Variants in MTAP observed in about 807,000 individuals in gnomAD.
MTAP encodes the protein methylthioadenosine phosphorylase.
MTAP carries 33 observed loss-of-function variants against 33.6 expected under a neutral mutation model. The ratio of observed to expected loss-of-function variants is 0.98; its 90% confidence interval spans 0.74 to 1.31. The LOEUF is 1.31. Ranked by LOEUF, MTAP falls within the 40% of genes most tolerant of loss-of-function variation. The pLI, the probability that MTAP is intolerant of heterozygous loss-of-function variation, is 0.00. For synonymous variants in MTAP, 148 were observed against 125.7 expected (o/e 1.18, Z -1.19); for missense variants, 367 against 360.0 (o/e 1.02, Z -0.16).
At chr9:21,908,411 TATAA>T (rs980688050) in intron 1 of MTAP, among the ~76,000 whole-genome samples, 4 of 152,158 alleles carry the variant, frequency 2.6e-5, no homozygotes, top group African/African-American at 9.6e-5. Context: ...GTAAAGTTGC[TATAA>T]ATATTCATGT....
At chr9:21,887,737 A>C (rs1255471380) in intron 1 of MTAP, among the ~76,000 whole-genome samples, 1 of 152,132 alleles carries the variant, frequency 6.6e-6, no homozygotes, top group African/African-American at 2.4e-5. Flanking sequence ...AACAGTGTAA[A>C]AGTGTTCCTA....
rs35709813 is a variant in MTAP at position 21,818,317 on chromosome 9, C to CTTTTTTTTTTTTTTTTTT, written c.347+125_347+142dup. 2 of 206,102 alleles carry CTTTTTTTTTTTTTTTTTT rather than the reference C, an allele frequency of 9.7e-6. 1 individual carries two copies. 12.8% of individuals were successfully genotyped at this position (206,102 alleles called of 1,614,324 possible). A position where few individuals can be genotyped will look rare whatever the true frequency, so the allele number is the denominator to read the frequency against. ...GAGGGCAGTGCCACAGACTCGCTTG[C>CTTTTTTTTTTTTTTTTTT]TTTTTTTTTTTTTTTTTTTTTTTTT... On this transcript the variant is annotated intron_variant, in intron 4 of 7. Coordinates refer to ENST00000644715, the MANE Select transcript of MTAP (RefSeq NM_002451.4).
chr9:21,923,326 A>T (rs940612241), intron 1 of MTAP, among the ~76,000 whole-genome samples: 5 of 152,160 alleles, frequency 3.3e-5, no homozygotes, highest in African/African-American at 1.2e-4. Flanking sequence ...ATGGCTGCAT[A>T]GGACATCACT....
intron 1 of MTAP, among the ~76,000 whole-genome samples, chr9:21,914,281 G>T (rs1818637339): frequency 6.6e-6 from 1 of 152,232 alleles, no homozygotes; most frequent in East Asian, 1.9e-4. Context: ...CAATTACTGG[G>T]TATATATCCA....
chr9:21,852,163 A>G (rs1337460972), intron 5 of MTAP, among the ~76,000 whole-genome samples: 1 of 152,168 alleles, frequency 6.6e-6, no homozygotes, highest in African/African-American at 2.4e-5. Context: ...AAATATCGTT[A>G]TGTCCTCATT....
intron 4 of MTAP, among the ~76,000 whole-genome samples, chr9:21,823,439 C>A (rs1052672575): frequency 6.6e-6 from 1 of 152,168 alleles, no homozygotes; most frequent in South Asian, 2.1e-4. Context: ...TGAATATTGG[C>A]CCCCACTCTC....
At chr9:21,918,579 T>C (rs1818733598) in intron 1 of MTAP, among the ~76,000 whole-genome samples, 2 of 152,134 alleles carry the variant, frequency 1.3e-5, no homozygotes, top group Middle Eastern at 3.2e-3. Context: ...ATTGATGTGG[T>C]TTCGCTGCAT....
At chr9:21,891,194 G>A (rs113660315) in intron 1 of MTAP, among the ~76,000 whole-genome samples, 2,499 of 152,106 alleles carry the variant, frequency 0.016, 66 homozygotes, top group African/African-American at 0.056. Flanking sequence ...AGATGAAAAA[G>A]AACCAGAAGA....
chr9:21,865,199 G>A lies in MTAP; in HGVS notation c.*3185G>A. On this transcript the variant is annotated 3_prime_UTR_variant, in exon 8 of 8. Coordinates refer to ENST00000644715, the MANE Select transcript of MTAP (RefSeq NM_002451.4). ...TGGGGGTGGTTACCCCCACACTGCT[G>A]TTCTCATGATACTGAGTTCTCACAA... The A allele has an allele frequency of 3.2e-6, 2 of 631,818 alleles. No individual in the cohort carries two copies. Among genetic ancestry groups the A allele is most frequent in the Non-Finnish European group, 3.9e-6 (2 of 507,162 alleles). The allele number at this position is 631,818 out of a possible 1,614,324, so 39.1% of individuals were successfully genotyped here. A position where few individuals can be genotyped will look rare whatever the true frequency, so the allele number is the denominator to read the frequency against.
intron 1 of MTAP, among the ~76,000 whole-genome samples, chr9:21,804,861 C>G (rs1311511963): frequency 2.0e-5 from 3 of 152,218 alleles, no homozygotes; most frequent in Admixed American, 2.0e-4. Context: ...GGCCTAGAGC[C>G]TGGCATTCCA....
At chr9:21,927,348 C>G (rs1448816026) in intron 1 of MTAP, among the ~76,000 whole-genome samples, 1 of 152,166 alleles carries the variant, frequency 6.6e-6, no homozygotes, top group Non-Finnish European at 1.5e-5. Flanking sequence ...CGGTCAGGCT[C>G]CTGACATTCC....
Position 21,864,121 on chromosome 9 carries a change from G to A in MTAP, c.*2107G>A. The A allele has an allele frequency of 1.0e-6, 1 of 985,364 alleles. No homozygotes were observed. 61.0% of individuals were successfully genotyped at this position (985,364 alleles called of 1,614,324 possible). A position where few individuals can be genotyped will look rare whatever the true frequency, so the allele number is the denominator to read the frequency against. On this transcript the variant is annotated 3_prime_UTR_variant, in exon 8 of 8. Coordinates refer to ENST00000644715, the MANE Select transcript of MTAP (RefSeq NM_002451.4). ...AAAGTATGGGCATTTTTCTTGCTAT[G>A]TTCAGAAAGTACAGTTCTCTCCAAC... is the stretch of plus-strand genomic sequence containing the variant.
chr9:21,890,453 T>G (rs1818182479), intron 1 of MTAP, among the ~76,000 whole-genome samples: 2 of 152,204 alleles, frequency 1.3e-5, no homozygotes, highest in African/African-American at 4.8e-5. Flanking sequence ...ATCTCTCACT[T>G]CTGGATTCTG....
At chr9:21,906,931 A>G (rs1217884332) in intron 1 of MTAP, among the ~76,000 whole-genome samples, 1 of 152,230 alleles carries the variant, frequency 6.6e-6, no homozygotes, top group African/African-American at 2.4e-5. Flanking sequence ...CTTGGCAGTA[A>G]TTCAGTAAAT....
intron 4 of MTAP, among the ~76,000 whole-genome samples, chr9:21,819,369 C>G (rs1367186379): frequency 6.6e-6 from 1 of 152,150 alleles, no homozygotes; most frequent in Non-Finnish European, 1.5e-5. Context: ...CAGTTCCCAC[C>G]TATGAGTCAG....
chr9:21,875,386 A>G lies in MTAP; in HGVS notation c.147+20516A>G, dbSNP rs528985049. Among the ~76,000 whole-genome samples, 5 of 152,236 alleles carry G rather than the reference A, an allele frequency of 3.3e-5. No homozygotes were observed. The South Asian group carries it at 1.0e-3, about 32-fold the overall frequency. ...TTTTTCATGTTTGTTGACTGCATAA[A>G]TGTCTTCTTTTGAGAAGTGTCTGTT... On this transcript the variant is annotated intron_variant, in intron 1 of 1. Transcript: ENST00000577563.
chr9:21,869,214 C>G (rs1013643686), downstream of MTAP, among the ~76,000 whole-genome samples: 7 of 152,132 alleles, frequency 4.6e-5, no homozygotes, highest in African/African-American at 1.7e-4. Context: ...TCTCCTGCCT[C>G]CAATTCCTCT....
intron 4 of MTAP, among the ~76,000 whole-genome samples, chr9:21,824,273 T>G (rs200568973): frequency 2.0e-5 from 3 of 152,156 alleles, no homozygotes; most frequent in African/African-American, 4.8e-5. Context: ...CATACAGATG[T>G]GGTTTTGGTG....
chr9:21,933,389 C>A (rs1161685697), downstream of MTAP: 1 of 152,228 alleles, frequency 6.6e-6, no homozygotes, highest in Non-Finnish European at 1.5e-5. Flanking sequence ...TCACCAGACA[C>A]TCTTAACCAA....
Sources: gnomAD v4.1 joint callset for allele counts (sites outside exome capture counted in the v4.1 genomes callset) on GRCh38, gnomAD v4.1.1 for gene constraint, MANE v1.5 for transcripts, NCBI Gene and HGNC (gene_info 2026-07-23, HGNC 2026-07-21) for gene names.